Variants in DCDC2 observed in about 807,000 individuals in gnomAD.
DCDC2 encodes doublecortin domain containing 2.
Under a neutral mutation model 50.2 loss-of-function variants are expected in DCDC2, and 40 were observed. That is an observed-to-expected ratio of 0.80 (90% CI 0.62 to 1.04). DCDC2 has a LOEUF of 1.04. Ranked by LOEUF, DCDC2 falls within the 50% of genes least tolerant of loss-of-function variation. DCDC2 has a pLI of 0.00. For missense variants in DCDC2, 570 were observed against 581.9 expected (o/e 0.98, Z 0.21); for synonymous variants, 234 against 210.6 (o/e 1.11, Z -0.96).
chr6:24,350,472 T>C lies in DCDC2; in HGVS notation c.348+3097A>G, dbSNP rs530164643. Among the ~76,000 whole-genome samples, 3 of 152,142 alleles carry C rather than the reference T, an allele frequency of 2.0e-5. No individual in the cohort carries two copies. The South Asian group carries it at 6.2e-4, about 32-fold the overall frequency. ...ATGTACTCGGAATAATTAGAATTAG[T>C]ATGTTTTAGGCAACCAGAAAAACTG... is the stretch of plus-strand genomic sequence containing the variant. On this transcript the variant is annotated intron_variant, in intron 2 of 9. Coordinates refer to ENST00000378454, the MANE Select transcript of DCDC2 (RefSeq NM_016356.5).
chr6:24,304,470 G>C (rs1036399931), intron 2 of DCDC2, among the ~76,000 whole-genome samples: 1 of 152,136 alleles, frequency 6.6e-6, no homozygotes, highest in Non-Finnish European at 1.5e-5. Context: ...GCAACAAAGC[G>C]AGACTCTGTC....
intron 2 of DCDC2, among the ~76,000 whole-genome samples, chr6:24,346,608 A>G (rs1760261128): frequency 6.6e-6 from 1 of 152,188 alleles, no homozygotes; most frequent in Non-Finnish European, 1.5e-5. Flanking sequence ...ATATAAATTT[A>G]GCCGGGTGTA....
intron 7 of DCDC2, among the ~76,000 whole-genome samples, chr6:24,210,718 A>G (rs1458813090): frequency 6.6e-6 from 1 of 152,196 alleles, no homozygotes; most frequent in African/African-American, 2.4e-5. Flanking sequence ...AAGTGCTCTT[A>G]ATAGATCATT....
chr6:24,373,555 T>A, the DCDC2 span, among the ~76,000 whole-genome samples: 1 of 152,092 alleles, frequency 6.6e-6, no homozygotes, highest in Non-Finnish European at 1.5e-5. Flanking sequence ...TGTTTAAGGA[T>A]CCAAAGTGGT....
At chr6:24,292,173 A>T (rs985222914) in intron 4 of DCDC2, among the ~76,000 whole-genome samples, 6 of 152,140 alleles carry the variant, frequency 3.9e-5, no homozygotes, top group African/African-American at 1.2e-4. Flanking sequence ...GTCCACAAAA[A>T]TTTTTTTAAA....
chr6:24,308,298 C>A (rs1759510538), intron 2 of DCDC2, among the ~76,000 whole-genome samples: 1 of 152,194 alleles, frequency 6.6e-6, no homozygotes, highest in Admixed American at 6.5e-5. Context: ...TCCTGTTGCA[C>A]AGAAAGCAAG....
At chr6:24,244,394 C>G (rs578000054) in intron 7 of DCDC2, among the ~76,000 whole-genome samples, 1 of 152,296 alleles carries the variant, frequency 6.6e-6, no homozygotes, top group East Asian at 1.9e-4. Context: ...AGAAAACGTA[C>G]CCACTGCAAA....
intron 8 of DCDC2, among the ~76,000 whole-genome samples, chr6:24,199,284 C>T (rs945824396): frequency 2.6e-5 from 4 of 152,284 alleles, no homozygotes; most frequent in Admixed American, 2.6e-4. Flanking sequence ...CTGGTGGGTG[C>T]CCCTTTGGGA....
At chr6:24,240,439 G>A (rs1762542090) in intron 7 of DCDC2, among the ~76,000 whole-genome samples, 1 of 152,090 alleles carries the variant, frequency 6.6e-6, no homozygotes, top group Non-Finnish European at 1.5e-5. Context: ...ATTGAAATTG[G>A]TAGACTATTA....
At chr6:24,217,068 A>G (rs1761998320) in intron 7 of DCDC2, among the ~76,000 whole-genome samples, 1 of 152,158 alleles carries the variant, frequency 6.6e-6, no homozygotes, top group African/African-American at 2.4e-5. Context: ...ATCACTAACA[A>G]TCATTTCAGA....
chr6:24,308,116 T>C (rs561909004), intron 2 of DCDC2, among the ~76,000 whole-genome samples: 2 of 152,208 alleles, frequency 1.3e-5, no homozygotes, highest in African/African-American at 2.4e-5. Flanking sequence ...TGGGGCCTTC[T>C]TCAAGTGCAC....
intron 7 of DCDC2, among the ~76,000 whole-genome samples, chr6:24,230,421 CA>C (rs1164513567): frequency 6.6e-6 from 1 of 152,064 alleles, no homozygotes; most frequent in Non-Finnish European, 1.5e-5. Flanking sequence ...GTGGGTGAAT[CA>C]CTTGAGCGCA....
intron 7 of DCDC2, among the ~76,000 whole-genome samples, chr6:24,254,058 C>T (rs776986771): frequency 7.9e-5 from 12 of 152,038 alleles, no homozygotes; most frequent in African/African-American, 1.2e-4. Flanking sequence ...AATTTTTAAA[C>T]CTTTTCGTTA....
chr6:24,319,795 T>C (rs1049956518), intron 2 of DCDC2, among the ~76,000 whole-genome samples: 1 of 151,990 alleles, frequency 6.6e-6, no homozygotes. Flanking sequence ...TAAGTAGAAG[T>C]AATGGGTAGT....
chr6:24,262,201 G>A (rs1287889304), intron 7 of DCDC2, among the ~76,000 whole-genome samples: 1 of 150,454 alleles, frequency 6.6e-6, no homozygotes, highest in Admixed American at 6.7e-5. Context: ...CAGTAATTGT[G>A]AGACTTTGCA....
chr6:24,318,559 C>T (rs1439011163), intron 2 of DCDC2, among the ~76,000 whole-genome samples: 1 of 152,012 alleles, frequency 6.6e-6, no homozygotes, highest in Non-Finnish European at 1.5e-5. Context: ...CCTTCTGCTC[C>T]AGCATCCTTC....
rs112575643 is a variant in DCDC2 at position 24,205,241 on chromosome 6, T to G, written c.923-139A>C. 267 of 1,584,964 alleles carry G rather than the reference T, an allele frequency of 1.7e-4. No individual in the cohort carries two copies. In the African/African-American group the frequency reaches 3.0e-3, roughly 18 times the overall value. On this transcript the variant is annotated intron_variant, in intron 7 of 9. Coordinates refer to ENST00000378454, the MANE Select transcript of DCDC2 (RefSeq NM_016356.5). ...GTTGATAGTATTTTTGTGCACCCCCTCCTCCGACCACCACACCACCCCCAG... is the reference window on the plus strand; with the variant it reads ...GTTGATAGTATTTTTGTGCACCCCCGCCTCCGACCACCACACCACCCCCAG...
the DCDC2 span, among the ~76,000 whole-genome samples, chr6:24,368,705 G>A: frequency 2.0e-5 from 3 of 150,672 alleles, no homozygotes; most frequent in Non-Finnish European, 2.9e-5. Flanking sequence ...AAAAATTGAC[G>A]AATGATAGTC....
At chr6:24,371,023 C>T in the DCDC2 span, among the ~76,000 whole-genome samples, 9 of 152,086 alleles carry the variant, frequency 5.9e-5, no homozygotes, top group African/African-American at 2.2e-4. Flanking sequence ...CGCCTGTAAT[C>T]CCAGCACTAT....
Sources: allele counts gnomAD v4.1 joint callset (sites outside exome capture counted in the v4.1 genomes callset), GRCh38; gene constraint gnomAD v4.1.1; transcripts MANE v1.5; gene names NCBI Gene and HGNC (gene_info 2026-07-23, HGNC 2026-07-21).